The following CFAP221 variants were observed in gnomAD, a reference collection of about 807,000 sequenced individuals.
The protein encoded by CFAP221 is cilia- and flagella-associated protein 221.
CFAP221 carries 97 observed loss-of-function variants against 113.1 expected under a neutral mutation model. The observed-to-expected ratio is 0.86, with a 90% confidence interval of 0.73 to 1.02. The LOEUF (loss-of-function observed/expected upper bound fraction) is 1.02, where lower values mean the gene tolerates loss of function less well. Among genes scored for constraint, CFAP221 ranks in the 50% least tolerant of loss-of-function variants. The probability of loss-of-function intolerance (pLI) is 0.00; values close to 1 mark genes in which losing one functional copy is unlikely to be tolerated. For synonymous variants in CFAP221, 331 were observed against 354.4 expected (o/e 0.93, Z 0.74); for missense variants, 1,025 against 1,013.4 (o/e 1.01, Z -0.16).
chr2:119,559,869 C>T (rs1558912288), intron 4 of CFAP221, 59 bp from the exon 5 acceptor site: 37 of 1,486,694 alleles, frequency 2.5e-5, no homozygotes, highest in Middle Eastern at 1.7e-4. Context: ...TTGTCACCCC[C>T]GGTGCTGCTC....
intron 15 of CFAP221, among the ~76,000 whole-genome samples, chr2:119,627,329 A>G (rs1558975416): frequency 6.6e-6 from 1 of 152,166 alleles, no homozygotes; most frequent in East Asian, 1.9e-4. Flanking sequence ...TTTCTAAAAA[A>G]TTATAAAATT....
At chr2:119,630,498 CTGT>C in intron 17 of CFAP221, 69 bp from the exon 18 acceptor site, 2 of 1,143,032 alleles carry the variant, frequency 1.7e-6, no homozygotes, top group South Asian at 2.7e-5. Flanking sequence ...CTCGGAAATG[CTGT>C]TGTTGAGAAG....
intron 20 of CFAP221, among the ~76,000 whole-genome samples, chr2:119,639,004 A>G (rs1687301210): frequency 6.6e-6 from 1 of 151,024 alleles, no homozygotes; most frequent in Admixed American, 6.6e-5. Flanking sequence ...TTTCTGTTTT[A>G]TGGACTTTGT....
intron 14 of CFAP221, among the ~76,000 whole-genome samples, chr2:119,619,636 C>A (rs1422346939): frequency 6.6e-6 from 1 of 152,144 alleles, no homozygotes; most frequent in African/African-American, 2.4e-5. Context: ...TGAGGAAAAA[C>A]CAGTGCAAAA....
intron 3 of CFAP221, among the ~76,000 whole-genome samples, chr2:119,549,980 G>A (rs537648654): frequency 8.5e-5 from 13 of 152,210 alleles, no homozygotes; most frequent in Non-Finnish European, 1.9e-4. Flanking sequence ...CATCCTGTGC[G>A]TAAATGGACC....
intron 17 of CFAP221, 104 bp downstream of exon 17, chr2:119,630,059 T>G: frequency 3.0e-6 from 3 of 1,003,724 alleles, no homozygotes; most frequent in Non-Finnish European, 4.4e-6. Context: ...TATGGTAGAT[T>G]AGACTGTGTG....
intron 16 of CFAP221, among the ~76,000 whole-genome samples, chr2:119,629,086 G>A (rs1686577822): frequency 6.6e-6 from 1 of 152,208 alleles, no homozygotes; most frequent in South Asian, 2.1e-4. Context: ...TCAATTGTAA[G>A]ATGCCTTTTT....
intron 6 of CFAP221, among the ~76,000 whole-genome samples, chr2:119,584,599 G>A (rs1317395777): frequency 6.7e-6 from 1 of 150,352 alleles, no homozygotes; most frequent in African/African-American, 2.5e-5. Flanking sequence ...AAAAAAAAAA[G>A]AAGAATTTAC....
chr2:119,548,989 G>C, intron 2 of CFAP221, 96 bp from the exon 3 acceptor site: 1 of 760,776 alleles, frequency 1.3e-6, no homozygotes, highest in East Asian at 3.0e-5. Flanking sequence ...TGCTTAAAAT[G>C]CCCTAAATTA....
chr2:119,560,150 GTGTTCCCCA>G, intron 5 of CFAP221, 124 bp downstream of exon 5: 1 of 752,668 alleles, frequency 1.3e-6, no homozygotes, highest in African/African-American at 1.8e-5. Context: ...CCAGTACCGG[GTGTTCCCCA>G]GGTCACCAGT....
At chr2:119,552,762 GAAAT>G (rs1394084752) in intron 3 of CFAP221, among the ~76,000 whole-genome samples, 1 of 92,082 alleles carries the variant, frequency 1.1e-5, no homozygotes, top group Non-Finnish European at 2.2e-5. Flanking sequence ...TCTTTAATAA[GAAAT>G]AAATAGAAAT....
At position 119,549,067 on chromosome 2, in the gene CFAP221, T is replaced by G; in HGVS notation, c.140-18T>G. On this transcript the variant is annotated intron_variant, in intron 2 of 23. Coordinates refer to ENST00000413369, the MANE Select transcript of CFAP221 (RefSeq NM_001271049.2). Reference sequence around the variant, plus strand: ...TCTTTGATGTCTCATGATGTGCTTATCTACATTGTTTTTATAGAGGTTTAT... The same window carrying G: ...TCTTTGATGTCTCATGATGTGCTTAGCTACATTGTTTTTATAGAGGTTTAT... The G allele has an allele frequency of 6.8e-7, 1 of 1,463,514 alleles. No homozygotes were observed. The allele number at this position is 1,463,514 out of a possible 1,614,324, so 90.7% of individuals were successfully genotyped here.
intron 21 of CFAP221, among the ~76,000 whole-genome samples, chr2:119,640,525 C>T (rs866387796): frequency 1.3e-5 from 2 of 152,236 alleles, no homozygotes; most frequent in African/African-American, 2.4e-5. Context: ...CCTGGCCAAT[C>T]GCTGACTCCT....
chr2:119,612,849 C>G (rs952967031), intron 13 of CFAP221, among the ~76,000 whole-genome samples: 1 of 152,178 alleles, frequency 6.6e-6, no homozygotes, highest in Admixed American at 6.5e-5. Flanking sequence ...TTAACTTATT[C>G]CAGCATTAAC....
intron 19 of CFAP221, among the ~76,000 whole-genome samples, chr2:119,634,369 AGGT>A (rs1243177731): frequency 6.6e-6 from 1 of 152,158 alleles, no homozygotes. Flanking sequence ...TGGGAGGCTG[AGGT>A]GGGAGGATCA....
At chr2:119,593,083 G>A (rs563392017) in intron 7 of CFAP221, among the ~76,000 whole-genome samples, 1 of 152,220 alleles carries the variant, frequency 6.6e-6, no homozygotes, top group African/African-American at 2.4e-5. Context: ...CTCTTCCTCA[G>A]GAATACCAAT....
intron 17 of CFAP221, 25 bp downstream of exon 17, chr2:119,629,980 T>A: frequency 6.5e-7 from 1 of 1,544,956 alleles, no homozygotes; most frequent in South Asian, 1.2e-5. Context: ...ATAAATTAAT[T>A]AATTGAGTTT....
chr2:119,654,710 C>T (rs1688330512), intron 23 of CFAP221, among the ~76,000 whole-genome samples: 1 of 152,076 alleles, frequency 6.6e-6, no homozygotes, highest in African/African-American at 2.4e-5. Flanking sequence ...CTAATTTTTT[C>T]AAAAAACATA....
intron 6 of CFAP221, among the ~76,000 whole-genome samples, chr2:119,582,456 T>C (rs887959561): frequency 2.0e-5 from 3 of 150,732 alleles, no homozygotes; most frequent in African/African-American, 7.4e-5. Context: ...GTAAGACATA[T>C]CTTTTTTTTT....
Sources: gnomAD v4.1 joint callset for allele counts (sites outside exome capture counted in the v4.1 genomes callset) on GRCh38, gnomAD v4.1.1 for gene constraint, MANE v1.5 for transcripts, NCBI Gene and HGNC (gene_info 2026-07-23, HGNC 2026-07-21) for gene names.